The following SPINK9 variants were observed in gnomAD, a reference collection of about 807,000 sequenced individuals.
SPINK9 encodes serine protease inhibitor Kazal-type 9.
Under a neutral mutation model 10.8 loss-of-function variants are expected in SPINK9, and 3 were observed. That is an observed-to-expected ratio of 0.28 (90% CI 0.13 to 0.72). SPINK9 has a LOEUF of 0.72. Among genes scored for constraint, SPINK9 ranks in the 30% least tolerant of loss-of-function variants. SPINK9 has a pLI of 0.74. For synonymous variants in SPINK9, 30 were observed against 31.2 expected (o/e 0.96, Z 0.12); for missense variants, 101 against 103.2 (o/e 0.98, Z 0.09).
rs371610654 is a variant in SPINK9, at chr5:148,328,288, C to G, written c.118+4420C>G. Reference sequence around the variant, plus strand: ...AAGCAATTGTGAATGGGAGTTCACTCATGATTTGGCTCTCTGTTTGTTACT... The same window carrying G: ...AAGCAATTGTGAATGGGAGTTCACTGATGATTTGGCTCTCTGTTTGTTACT... On this transcript the variant is annotated intron_variant, in intron 2 of 4. Transcript: ENST00000511717. Among the ~76,000 whole-genome samples, 13 of 152,200 alleles carry G rather than the reference C, an allele frequency of 8.5e-5. No individual in the cohort carries two copies. The East Asian group carries it at 2.1e-3, about 25-fold the overall frequency.
At chr5:148,334,087 A>C (rs1268671305), upstream of SPINK9, among the ~76,000 whole-genome samples, 1 of 151,990 alleles carries the variant, frequency 6.6e-6, no homozygotes, top group Non-Finnish European at 1.5e-5. Flanking sequence ...AAGAATAATG[A>C]GGGGGTCAGT....
chr5:148,332,735 C>T (rs1043468329), upstream of SPINK9, among the ~76,000 whole-genome samples: 13 of 152,142 alleles, frequency 8.5e-5, no homozygotes, highest in Non-Finnish European at 1.9e-4. Context: ...GAGCTGGACT[C>T]ATCATAGAGG....
rs532027586 is a variant in SPINK9, at chr5:148,338,472, T to C, written c.88-6T>C. The C allele has an allele frequency of 1.3e-5, 20 of 1,588,648 alleles. No homozygotes were observed. In the East Asian group the frequency reaches 4.5e-4, roughly 36 times the overall value. On this transcript the variant is annotated splice_polypyrimidine_tract_variant and splice_region_variant and intron_variant, in intron 2 of 3. Coordinates refer to ENST00000377906, the MANE Select transcript of SPINK9 (RefSeq NM_001040433.2). ...AGAGTTGAAGGTTTTTAATATGTTT[T>C]TTCAGGTTGACTGCAGTCATTATAA...
In SPINK9 at chr5:148,338,507, AC is replaced by A; in HGVS notation, c.119del (p.Pro40GlnfsTer52). On this transcript the variant is annotated frameshift_variant, in exon 3 of 4. Transcript: ENST00000377906. LOFTEE classifies it high-confidence loss of function. ...VDCSHYKKLPPGQQRFCHHMY... is the reference protein window; with the variant it reads ...VDCSHYKKLPXGQQRFCHHMY... ...ACTGCAGTCATTATAAAAAGTTACC[AC>A]CAGGACAACAGAGATTTTGTCATCA... 1 of 1,607,850 alleles carries A rather than the reference AC, an allele frequency of 6.2e-7. No homozygotes were observed. Among genetic ancestry groups the A allele is most frequent in the South Asian group, 1.1e-5 (1 of 89,462 alleles).
Position 148,338,464 on chromosome 5 carries a change from A to G in SPINK9, c.88-14A>G, listed in dbSNP as rs919884033. ...TGGTTGAAAGAGTTGAAGGTTTTTA[A>G]TATGTTTTTTCAGGTTGACTGCAGT... is the stretch of plus-strand genomic sequence containing the variant. On this transcript the variant is annotated splice_polypyrimidine_tract_variant and intron_variant, in intron 2 of 3. Transcript: ENST00000377906. The G allele has an allele frequency of 9.5e-6, 15 of 1,585,282 alleles. No homozygotes were observed. Among genetic ancestry groups the G allele is most frequent in the Admixed American group, 5.7e-5 (3 of 52,606 alleles).
intron 2 of SPINK9, among the ~76,000 whole-genome samples, chr5:148,324,554 C>A (rs937939209): frequency 1.3e-5 from 2 of 151,890 alleles, no homozygotes; most frequent in Admixed American, 1.3e-4. Context: ...AAATGCACAA[C>A]CTGAATATAA....
At chr5:148,325,999 T>C (rs1757054612) in intron 2 of SPINK9, among the ~76,000 whole-genome samples, 1 of 152,172 alleles carries the variant, frequency 6.6e-6, no homozygotes, top group Non-Finnish European at 1.5e-5. Flanking sequence ...TTGGCACCCT[T>C]GTCAAAAATC....
At chr5:148,323,037 T>C (rs1192477774) in intron 1 of SPINK9, among the ~76,000 whole-genome samples, 6 of 152,100 alleles carry the variant, frequency 3.9e-5, no homozygotes, top group Non-Finnish European at 8.8e-5. Flanking sequence ...AACCCGCCTA[T>C]AAGCAAAATA....
chr5:148,336,879 T>C (rs865965821), intron 2 of SPINK9, among the ~76,000 whole-genome samples: 3 of 152,286 alleles, frequency 2.0e-5, no homozygotes, highest in South Asian at 4.1e-4. Context: ...TAATTTAGCC[T>C]TCCATTCATG....
chr5:148,336,703 G>A (rs1267256049), intron 2 of SPINK9, among the ~76,000 whole-genome samples: 1 of 152,160 alleles, frequency 6.6e-6, no homozygotes, highest in East Asian at 1.9e-4. Flanking sequence ...GTGGCCATGG[G>A]CAACATACTT....
At chr5:148,327,024 T>C (rs1297692716) in intron 2 of SPINK9, among the ~76,000 whole-genome samples, 2 of 152,172 alleles carry the variant, frequency 1.3e-5, no homozygotes, top group Non-Finnish European at 2.9e-5. Context: ...TTTGGGTATA[T>C]ACCCAGTAAT....
chr5:148,335,715 A>C, intron 1 of SPINK9, 47 bp downstream of exon 1: 509 of 1,585,800 alleles, frequency 3.2e-4, no homozygotes, highest in Non-Finnish European at 4.0e-4. Context: ...CTAATAGCTC[A>C]TGCAGTCTTC....
At chr5:148,330,230 T>C (rs530726127) in intron 2 of SPINK9, among the ~76,000 whole-genome samples, 1 of 152,340 alleles carries the variant, frequency 6.6e-6, no homozygotes, top group Non-Finnish European at 1.5e-5. Context: ...TAGTTCTTCT[T>C]GTTGAATTGA....
At chr5:148,323,542 G>A in intron 1 of SPINK9, 3 of 398,134 alleles carry the variant, frequency 7.5e-6, no homozygotes, top group East Asian at 7.9e-5. Flanking sequence ...TTCTTACAAT[G>A]ACATATATAT....
At chr5:148,323,226 T>C (rs1458202996) in intron 1 of SPINK9, among the ~76,000 whole-genome samples, 2 of 152,078 alleles carry the variant, frequency 1.3e-5, no homozygotes, top group African/African-American at 2.4e-5. Context: ...GACATAGAAA[T>C]AGTGACTAAA....
intron 1 of SPINK9, 29 bp downstream of exon 1, chr5:148,335,697 C>A (rs199784854): frequency 1.9e-6 from 3 of 1,609,744 alleles, no homozygotes; most frequent in South Asian, 2.2e-5. Context: ...ACTGCCCCTG[C>A]CCTTGTACTA....
At chr5:148,339,344 G>A (rs1757258514) in intron 3 of SPINK9, among the ~76,000 whole-genome samples, 1 of 151,738 alleles carries the variant, frequency 6.6e-6, no homozygotes, top group Non-Finnish European at 1.5e-5. Context: ...AACATATGTG[G>A]CATATTGTTC....
At chr5:148,329,266 C>G (rs537317636) in intron 2 of SPINK9, among the ~76,000 whole-genome samples, 1 of 152,280 alleles carries the variant, frequency 6.6e-6, no homozygotes, top group African/African-American at 2.4e-5. Flanking sequence ...TTATCCCTGT[C>G]TTCTAGATTT....
chr5:148,335,647 C>A lies in SPINK9; in HGVS notation c.34C>A (p.Leu12Met), dbSNP rs369145188. 7 of 1,613,702 alleles carry A rather than the reference C, an allele frequency of 4.3e-6. No homozygotes were observed. The highest frequency in any genetic ancestry group is 5.9e-6 in the Non-Finnish European group (7 of 1,179,846). Reference sequence around the variant, plus strand: ...AACAGCCATAGTCCTACTCTTGGCTCTGACACTTGCAACCATGTTCAGTGA... The same window carrying A: ...AACAGCCATAGTCCTACTCTTGGCTATGACACTTGCAACCATGTTCAGTGA... ...RATAIVLLLA[L>M]TLATMFSIEC... The change falls in exon 1 of 4, where the codon CTG becomes ATG. Residue 12 changes from leucine (L) to methionine (M), a missense_variant. Transcript: ENST00000377906.
Sources: allele counts gnomAD v4.1 joint callset (sites outside exome capture counted in the v4.1 genomes callset), GRCh38; gene constraint gnomAD v4.1.1; transcripts MANE v1.5; gene names NCBI Gene and HGNC (gene_info 2026-07-23, HGNC 2026-07-21).